TAOK2: variants seen among roughly 807,000 people sequenced by gnomAD.
TAOK2 encodes TAO kinase 2.
Under a neutral mutation model 122.5 loss-of-function variants are expected in TAOK2, and 42 were observed. The ratio of observed to expected loss-of-function variants is 0.34; its 90% CI spans 0.27 to 0.44. The LOEUF (loss-of-function observed/expected upper bound fraction) is 0.44. TAOK2 is among the 20% of genes least tolerant of loss of function. The pLI is 1.00. For synonymous variants in TAOK2, 704 were observed against 677.6 expected (o/e 1.04, Z -0.61); for missense variants, 1,264 against 1,644.9 (o/e 0.77, Z 4.01).
downstream of TAOK2, chr16:29,988,908 T>C: frequency 1.0e-6 from 1 of 985,308 alleles, no homozygotes; most frequent in Non-Finnish European, 1.2e-6. Context: ...GGAATGCGGA[T>C]CTGGTCAGGG....
chr16:29,984,247 G>T (rs928542160), intron 13 of TAOK2, among the ~76,000 whole-genome samples: 3 of 152,248 alleles, frequency 2.0e-5, no homozygotes, highest in Admixed American at 2.0e-4. Flanking sequence ...TCCCATTGGA[G>T]AAATGAGGCA....
chr16:29,988,838 T>C (rs1409203370), downstream of TAOK2: 2 of 985,220 alleles, frequency 2.0e-6, no homozygotes, highest in Non-Finnish European at 2.4e-6. Context: ...GTATGAAGGC[T>C]GTGGCAGCAG....
In TAOK2 at chr16:29,976,209, C is replaced by G. The variant is rs192272719; in HGVS notation, c.-35-1529C>G. On this transcript the variant is annotated intron_variant, in intron 1 of 15. Transcript: ENST00000308893. The stretch of plus-strand genomic sequence containing the variant: ...TCCTTTGGCAAGTTGAGAGCACCTG[C>G]CTTTGTGTGTGGGTGTGTGGTGCTG... Among the ~76,000 whole-genome samples, 215 of 152,264 alleles carry G rather than the reference C, an allele frequency of 1.4e-3. 2 individuals carry two copies. Among genetic ancestry groups the G allele is most frequent in the Non-Finnish European group, 2.1e-3 (144 of 68,022 alleles).
chr16:29,981,652 T>C lies in TAOK2; in HGVS notation c.656-9T>C, dbSNP rs1259018920. 1.2e-6 allele frequency: 2 copies of C among 1,613,794 alleles called. No individual in the cohort carries two copies. Among genetic ancestry groups the C allele is most frequent in the East Asian group, 2.2e-5 (1 of 44,904 alleles). ...CTCTCACCTTCTTCCCTTTCACCTTTTTCTGTAGCTGAACGGAAACCACCG... is the reference window on the plus strand; with the variant it reads ...CTCTCACCTTCTTCCCTTTCACCTTCTTCTGTAGCTGAACGGAAACCACCG... On this transcript the variant is annotated splice_polypyrimidine_tract_variant and intron_variant, in intron 8 of 15. Coordinates refer to ENST00000308893, the MANE Select transcript of TAOK2 (RefSeq NM_016151.4).
intron 4 of TAOK2, 125 bp from the exon 5 acceptor site, chr16:29,978,674 C>T: frequency 9.3e-7 from 1 of 1,078,786 alleles, no homozygotes; most frequent in South Asian, 1.4e-5. Context: ...CCCTCATTGT[C>T]TCCAGTTGCG....
rs557300662 is a variant in TAOK2 at position 29,987,684 on chromosome 16, C to T, written c.3412C>T (p.Arg1138Cys). 23 of 1,614,032 alleles carry T rather than the reference C, an allele frequency of 1.4e-5. No individual in the cohort carries two copies. The highest frequency in any genetic ancestry group is 4.0e-5 in the African/African-American group (3 of 75,046). ...PVPGPRRRNP[R>C]TTQHPLALLA... is the part of the protein sequence containing the mutation. ...CCCTGGGCCCCGGCGGCGTAATCCC[C>T]GCACCACCCAACACCCATTAGCTCT... Residue 1138 changes from arginine to cysteine, a missense_variant, in exon 16 of 16, where the codon CGC (arginine) becomes TGC (cysteine). This residue lies in a region of TAOK2 where 824 missense variants were observed against 908.7 expected (regional missense o/e 0.91). Transcript: ENST00000308893.
At chr16:29,991,340 T>G, downstream of TAOK2, 2 of 1,600,322 alleles carry the variant, frequency 1.2e-6, no homozygotes, top group Non-Finnish European at 1.7e-6. This position sits in a 1 kb window ranked among gnomAD's most constrained non-coding sequence, Gnocchi z 5.6. Flanking sequence ...CTCTGCTGGC[T>G]CCCCCAGGCC....
downstream of TAOK2, chr16:29,991,912 T>G: frequency 5.2e-6 from 1 of 192,680 alleles, no homozygotes; most frequent in Non-Finnish European, 1.1e-5. The surrounding 1 kb of genome is among the most constrained non-coding windows in gnomAD (Gnocchi z 5.6). Context: ...CAGAGAACTA[T>G]ACTACCCTCA....
At chr16:29,988,635 C>T (rs936226662), downstream of TAOK2, 33 of 985,308 alleles carry the variant, frequency 3.3e-5, no homozygotes, top group Non-Finnish European at 4.0e-5. Context: ...TCCCACAGAG[C>T]GCCTGTTTGC....
chr16:29,989,405 A>G, downstream of TAOK2: 2 of 980,918 alleles, frequency 2.0e-6, no homozygotes, highest in Non-Finnish European at 2.4e-6. Context: ...GTCTGTATAC[A>G]GCTCCCCCCA....
chr16:29,989,381 C>T (rs2069910757), downstream of TAOK2: 3 of 985,276 alleles, frequency 3.0e-6, no homozygotes, highest in East Asian at 2.3e-4. Context: ...GATCCCACCT[C>T]TCCATGTCTG....
Position 29,986,711 on chromosome 16 carries a change from G to T in TAOK2, c.2439G>T (p.Gln813His). ...GKEGATLEPK[Q>H]QRILGEESGA... ...AAGGGGCCACTTTGGAGCCCAAGCA[G>T]CAGAGGATTCTGGGGGAAGAATCAG... Residue 813 changes from glutamine to histidine, a missense_variant, in exon 16 of 16, where the codon CAG (glutamine) becomes CAT (histidine). By Grantham distance (24) the Gln-to-His change is conservative (BLOSUM62 0). Around this residue, in one of 4 missense-constraint regions of TAOK2, gnomAD observed 824 missense variants for 908.7 expected, o/e 0.91. Coordinates refer to ENST00000308893, the MANE Select transcript of TAOK2 (RefSeq NM_016151.4). The surrounding 1 kb of genome is among the most constrained non-coding windows in gnomAD (Gnocchi z 4.2). 1 of 1,614,058 alleles carries T rather than the reference G, an allele frequency of 6.2e-7. No individual in the cohort carries two copies. The highest frequency in any genetic ancestry group is 8.5e-7 in the Non-Finnish European group (1 of 1,179,998).
intron 3 of TAOK2, 32 bp downstream of exon 3, chr16:29,978,192 A>G: frequency 6.2e-7 from 1 of 1,613,976 alleles, no homozygotes; most frequent in Non-Finnish European, 8.5e-7. Flanking sequence ...CAGGTTGGGG[A>G]CAGGGGACTC....
downstream of TAOK2, chr16:29,988,751 A>G (rs2069894404): frequency 2.0e-6 from 2 of 985,382 alleles, no homozygotes; most frequent in African/African-American, 3.5e-5. Flanking sequence ...TGCATCAGGC[A>G]TTACCCTAGT....
chr16:29,989,720 G>A (rs771058133), downstream of TAOK2: 17 of 1,613,904 alleles, frequency 1.1e-5, no homozygotes, highest in Admixed American at 6.7e-5. Context: ...CTCCTTAAGC[G>A]GCTCAAGGAA....
chr16:29,987,442 C>A lies in TAOK2; in HGVS notation c.3170C>A (p.Ala1057Asp). The part of the protein sequence containing the change: ...AAWLLAWPGL[A>D]LPLVAMAAGG... ...TGGCTCTTAGCTTGGCCAGGCCTAG[C>A]TCTACCTCTGGTGGCTATGGCAGCG... Residue 1057 changes from alanine to aspartate, a missense_variant, in exon 16 of 16, where the codon GCT (alanine) becomes GAT (aspartate). Around this residue, in one of 4 missense-constraint regions of TAOK2, gnomAD observed 824 missense variants for 908.7 expected, o/e 0.91. Transcript: ENST00000308893. 6.2e-7 allele frequency: 1 copy of A among 1,601,564 alleles called. No individual in the cohort carries two copies. The highest frequency in any genetic ancestry group is 8.5e-7 in the Non-Finnish European group (1 of 1,172,118).
At position 29,978,156 on chromosome 16, in the gene TAOK2, A is replaced by G. The variant is rs966469217; in HGVS notation, c.200A>G (p.Asn67Ser). The change falls in exon 3 of 16, where the codon AAT becomes AGT. Residue 67 changes from asparagine to serine, a missense_variant. Around this residue, in one of 4 missense-constraint regions of TAOK2, gnomAD observed 254 missense variants for 503.8 expected, o/e 0.50. Coordinates refer to ENST00000308893, the MANE Select transcript of TAOK2 (RefSeq NM_016151.4). ...KKMSYSGKQS[N>S]EKWQDIIKEV... is the part of the protein sequence containing the mutation. ...ATGTCCTACAGTGGGAAGCAGTCCAATGAGGTGGGCCAGGTGCAATACAGC... is the reference window on the plus strand; with the variant it reads ...ATGTCCTACAGTGGGAAGCAGTCCAGTGAGGTGGGCCAGGTGCAATACAGC... The G allele has an allele frequency of 3.7e-5, 60 of 1,613,956 alleles. No individual in the cohort carries two copies. The highest frequency in any genetic ancestry group is 1.6e-4 in the Middle Eastern group (1 of 6,084).
chr16:29,986,135 TC>T lies in TAOK2; in HGVS notation c.1993-128del. The T allele has an allele frequency of 7.2e-7, 1 of 1,393,896 alleles. No homozygotes were observed. The highest frequency in any genetic ancestry group is 2.3e-5 in the East Asian group (1 of 42,682). 86.3% of individuals were successfully genotyped at this position (1,393,896 alleles called of 1,614,324 possible). On this transcript the variant is annotated intron_variant, in intron 15 of 15. Coordinates refer to ENST00000308893, the MANE Select transcript of TAOK2 (RefSeq NM_016151.4). The surrounding 1 kb of genome is among the most constrained non-coding windows in gnomAD (Gnocchi z 4.2). Reference sequence around the variant, plus strand: ...TGCCAAGGAGCCCTGGCCCCTCACTTCCTTGATACTGACCAGGCCCTGGGCC... The same window carrying T: ...TGCCAAGGAGCCCTGGCCCCTCACTTCTTGATACTGACCAGGCCCTGGGCC...
intron 8 of TAOK2, chr16:29,980,653 A>G (rs1280843048): frequency 1.3e-5 from 2 of 152,166 alleles, no homozygotes; most frequent in Non-Finnish European, 2.9e-5. Context: ...CACAGTCTCC[A>G]TTTACCATTA....
Sources: gnomAD v4.1 joint callset for allele counts (sites outside exome capture counted in the v4.1 genomes callset) on GRCh38, gnomAD v4.1.1 for gene constraint, gnomAD v4.1.1 regional missense constraint, Gnocchi (gnomAD v3.1) non-coding constraint, MANE v1.5 for transcripts, NCBI Gene and HGNC (gene_info 2026-07-23, HGNC 2026-07-21) for gene names.